The following TUSC3 variants were observed in gnomAD, a reference collection of about 807,000 sequenced individuals.
The protein encoded by TUSC3 is dolichyl-diphosphooligosaccharide--protein glycosyltransferase subunit TUSC3.
A neutral mutation model predicts 44.8 loss-of-function variants in TUSC3; 45 were observed. The ratio of observed to expected loss-of-function variants is 1.00; its 90% CI spans 0.79 to 1.29. The LOEUF (loss-of-function observed/expected upper bound fraction) is 1.29. TUSC3 is among the 50% of genes most tolerant of loss of function. TUSC3 has a pLI of 0.00. For synonymous variants in TUSC3, 212 were observed against 152.9 expected, an observed-to-expected ratio of 1.39 and a Z score of -2.85; for missense variants, 519 against 437.9, an observed-to-expected ratio of 1.19 and a Z score of -1.65.
At chr8:15,619,735 C>T (rs1349964921) in intron 1 of TUSC3, among the ~76,000 whole-genome samples, 2 of 152,282 alleles carry the variant, frequency 1.3e-5, no homozygotes, top group South Asian at 2.1e-4. Flanking sequence ...TGGTCTCCAT[C>T]TCCTGACCTT....
chr8:15,603,663 C>G (rs1017353218), intron 1 of TUSC3, among the ~76,000 whole-genome samples: 2 of 151,418 alleles, frequency 1.3e-5, no homozygotes, highest in Non-Finnish European at 3.0e-5. Context: ...GGTCTGATAG[C>G]CATTACAAGT....
rs189286888 is a variant in TUSC3 at position 15,502,903 on chromosome 8, A to G, written n.189+19420A>G. 5.9e-3 allele frequency among the ~76,000 whole-genome samples: 893 copies of G among 152,290 alleles called. 6 individuals are homozygous for G. The highest frequency in any genetic ancestry group is 0.02 in the African/African-American group (833 of 41,542). On this transcript the variant is annotated intron_variant and non_coding_transcript_variant, in intron 2 of 5. Transcript: ENST00000503191. ...GTGAGTTACTCATTTTACTCCTTAC[A>G]TGTTTGACGAAGTCTTTATTCTATT...
At chr8:15,722,615 T>G (rs186175939) in intron 6 of TUSC3, among the ~76,000 whole-genome samples, 27 of 152,254 alleles carry the variant, frequency 1.8e-4, no homozygotes, top group Non-Finnish European at 8.8e-5. Flanking sequence ...TTATGTGGTG[T>G]TGTTTACCTG....
chr8:15,487,635 T>C (rs1377097608), intron 2 of TUSC3, among the ~76,000 whole-genome samples: 1 of 152,238 alleles, frequency 6.6e-6, no homozygotes, highest in Admixed American at 6.5e-5. Flanking sequence ...ATCTTTCTTT[T>C]AGCTGAGCAT....
chr8:15,513,165 T>C (rs78806738), intron 2 of TUSC3, among the ~76,000 whole-genome samples: 1 of 151,526 alleles, frequency 6.6e-6, no homozygotes, highest in East Asian at 1.9e-4. Context: ...ATACAAAAAA[T>C]TGATTATGAT....
chr8:15,687,235 T>A (rs1274911495), intron 6 of TUSC3, among the ~76,000 whole-genome samples: 1 of 152,206 alleles, frequency 6.6e-6, no homozygotes, highest in Non-Finnish European at 1.5e-5. Context: ...GTACTCTGTT[T>A]CCAGTAGTAG....
chr8:15,448,755 A>T (rs544155181), intron 1 of TUSC3, among the ~76,000 whole-genome samples: 1 of 152,172 alleles, frequency 6.6e-6, no homozygotes, highest in Non-Finnish European at 1.5e-5. Flanking sequence ...ATATTTATGC[A>T]TTGTAAACAA....
intron 3 of TUSC3, among the ~76,000 whole-genome samples, chr8:15,654,372 A>G (rs560850966): frequency 1.3e-5 from 2 of 152,328 alleles, no homozygotes; most frequent in South Asian, 4.1e-4. Context: ...CTAAATGTCC[A>G]TTACATGGAA....
At chr8:15,448,365 C>G (rs185716242) in intron 1 of TUSC3, among the ~76,000 whole-genome samples, 1 of 151,892 alleles carries the variant, frequency 6.6e-6, no homozygotes, top group Non-Finnish European at 1.5e-5. Flanking sequence ...GCAATCCACC[C>G]GCCTTGGCCT....
intron 1 of TUSC3, among the ~76,000 whole-genome samples, chr8:15,585,929 T>C (rs544570447): frequency 1.3e-5 from 2 of 152,216 alleles, no homozygotes; most frequent in East Asian, 3.9e-4. Flanking sequence ...TGAAAGTAGA[T>C]GGGATCACCC....
chr8:15,457,322 T>A (rs937319459), intron 1 of TUSC3, among the ~76,000 whole-genome samples: 2 of 151,456 alleles, frequency 1.3e-5, no homozygotes, highest in Admixed American at 6.6e-5. Context: ...ATAATAAAAA[T>A]ATATATATAT....
the TUSC3 span, among the ~76,000 whole-genome samples, chr8:15,774,611 A>G: frequency 6.6e-6 from 1 of 152,152 alleles, no homozygotes; most frequent in African/African-American, 2.4e-5. Flanking sequence ...TGTTCTTTTA[A>G]CCCATCCATT....
At chr8:15,846,205 G>T in the TUSC3 span, among the ~76,000 whole-genome samples, 4 of 152,194 alleles carry the variant, frequency 2.6e-5, no homozygotes, top group East Asian at 7.7e-4. Context: ...AACTCCGAGG[G>T]CAATTCTACT....
chr8:15,704,967 T>C (rs533506486), intron 6 of TUSC3, among the ~76,000 whole-genome samples: 1 of 152,144 alleles, frequency 6.6e-6, no homozygotes, highest in East Asian at 1.9e-4. Context: ...AAATAGTCCT[T>C]ATTATTTGGA....
chr8:15,850,987 T>C, the TUSC3 span, among the ~76,000 whole-genome samples: 1 of 152,194 alleles, frequency 6.6e-6, no homozygotes, highest in Non-Finnish European at 1.5e-5. Flanking sequence ...TATTCTTCAC[T>C]ATACTCTAGG....
chr8:15,472,716 A>T (rs1800510365), intron 1 of TUSC3, among the ~76,000 whole-genome samples: 1 of 152,232 alleles, frequency 6.6e-6, no homozygotes, highest in Non-Finnish European at 1.5e-5. Flanking sequence ...CAGGTTAATT[A>T]TAAATGTTTT....
At chr8:15,814,943 G>A in the TUSC3 span, among the ~76,000 whole-genome samples, 1 of 152,126 alleles carries the variant, frequency 6.6e-6, no homozygotes. Context: ...TATAAAACAT[G>A]TTGGCTACAA....
At chr8:15,472,028 T>C (rs1800500636) in intron 1 of TUSC3, among the ~76,000 whole-genome samples, 1 of 115,450 alleles carries the variant, frequency 8.7e-6, no homozygotes, top group South Asian at 2.4e-4. Context: ...CTAAACTGTG[T>C]AAGTAACATA....
chr8:15,541,938 A>T (rs1046726015), intron 1 of TUSC3, among the ~76,000 whole-genome samples: 1 of 151,690 alleles, frequency 6.6e-6, no homozygotes, highest in Non-Finnish European at 1.5e-5. Flanking sequence ...GATCCCTAGG[A>T]CCACGCCAAT....
Sources: gnomAD v4.1 joint callset for allele counts (sites outside exome capture counted in the v4.1 genomes callset) on GRCh38, gnomAD v4.1.1 for gene constraint, MANE v1.5 for transcripts, NCBI Gene and HGNC (gene_info 2026-07-23, HGNC 2026-07-21) for gene names.